Variants in ARNT2 observed in about 807,000 individuals in gnomAD.
The protein encoded by ARNT2 is aryl hydrocarbon receptor nuclear translocator 2, also known as ARNT protein 2.
Under a neutral mutation model 91.7 loss-of-function variants are expected in ARNT2, and 36 were observed. The observed-to-expected ratio is 0.39, with a 90% confidence interval of 0.30 to 0.52. The LOEUF (loss-of-function observed/expected upper bound fraction) is 0.52. ARNT2 is among the 20% of genes least tolerant of loss of function. ARNT2 has a pLI of 0.72. For missense variants in ARNT2, 775 were observed against 939.3 expected (o/e 0.83, Z 2.29); for synonymous variants, 365 against 347.1 (o/e 1.05, Z -0.57).
intron 5 of ARNT2, among the ~76,000 whole-genome samples, chr15:80,476,901 G>T (rs1222225798): frequency 6.6e-6 from 1 of 152,146 alleles, no homozygotes; most frequent in Non-Finnish European, 1.5e-5. Context: ...TCCCAATGTT[G>T]GGGGCAGGCC....
At chr15:80,522,647 A>G (rs981392564) in intron 8 of ARNT2, among the ~76,000 whole-genome samples, 1 of 152,070 alleles carries the variant, frequency 6.6e-6, no homozygotes, top group Admixed American at 6.5e-5. Flanking sequence ...ATATCTAAAC[A>G]TAGAAAAGGT....
chr15:80,515,735 C>CA (rs61034995), intron 8 of ARNT2, among the ~76,000 whole-genome samples: 46,954 of 136,032 alleles, frequency 0.35, 7,618 homozygotes, highest in African/African-American at 0.38. Flanking sequence ...GTTCCTAAAC[C>CA]AAAAAAAAAA....
intron 6 of ARNT2, among the ~76,000 whole-genome samples, chr15:80,510,649 T>C (rs1351675825): frequency 6.6e-6 from 1 of 151,922 alleles, no homozygotes; most frequent in African/African-American, 2.4e-5. Flanking sequence ...GCCAACATGG[T>C]GAAACCCCGT....
chr15:80,591,441 A>G lies in ARNT2; in HGVS notation c.1919-127A>G, dbSNP rs927834122. 2 of 1,227,568 alleles carry G rather than the reference A, an allele frequency of 1.6e-6. No homozygotes were observed. Among genetic ancestry groups the G allele is most frequent in the Admixed American group, 1.9e-5 (1 of 52,272 alleles). The allele number at this position is 1,227,568 out of a possible 1,614,324, so 76.0% of individuals were successfully genotyped here. On this transcript the variant is annotated intron_variant, in intron 17 of 18. Transcript: ENST00000303329. This position sits in a 1 kb window ranked among gnomAD's most constrained non-coding sequence, Gnocchi z 5.1. ...TGAGAAAGACGAGGATAGCAAACACATTCCGCCAGCTCTGGATGGAACGTG... is the reference window on the plus strand; with the variant it reads ...TGAGAAAGACGAGGATAGCAAACACGTTCCGCCAGCTCTGGATGGAACGTG...
rs560443015 is a variant in ARNT2 at position 80,568,761 on chromosome 15, A to G, written c.1317-5387A>G. On this transcript the variant is annotated intron_variant, in intron 12 of 18. Coordinates refer to ENST00000303329, the MANE Select transcript of ARNT2 (RefSeq NM_014862.4). ...ACAGAACCAGAGCCCCACAGGTTCT[A>G]CCTGCGATTCTCTCTAGCGCATCTC... Among the ~76,000 whole-genome samples, 3 of 152,348 alleles carry G rather than the reference A, an allele frequency of 2.0e-5. No individual in the cohort carries two copies. The East Asian group carries it at 5.8e-4, about 29-fold the overall frequency.
chr15:80,575,191 G>A (rs2141476741), intron 14 of ARNT2, 81 bp downstream of exon 14: 3 of 1,550,790 alleles, frequency 1.9e-6, no homozygotes, highest in Non-Finnish European at 2.6e-6. Flanking sequence ...GCTACTCTTA[G>A]TAAGAGGGGG....
intron 1 of ARNT2, among the ~76,000 whole-genome samples, chr15:80,443,783 C>T (rs1263252281): frequency 6.6e-6 from 1 of 152,166 alleles, no homozygotes; most frequent in East Asian, 1.9e-4. Flanking sequence ...GCAGAAGAGC[C>T]ACTGTTTGCC....
intron 1 of ARNT2, among the ~76,000 whole-genome samples, chr15:80,449,223 A>G (rs979201244): frequency 6.6e-6 from 1 of 152,144 alleles, no homozygotes; most frequent in Non-Finnish European, 1.5e-5. Flanking sequence ...AACTTATTTG[A>G]CCATGGAACT....
chr15:80,440,972 GC>G (rs1228151245), intron 1 of ARNT2, among the ~76,000 whole-genome samples: 1 of 152,200 alleles, frequency 6.6e-6, no homozygotes, highest in Non-Finnish European at 1.5e-5. Context: ...GGAATCATGT[GC>G]CCTGTCTTCA....
intron 5 of ARNT2, among the ~76,000 whole-genome samples, chr15:80,503,163 C>A (rs1234321051): frequency 6.6e-6 from 1 of 152,186 alleles, no homozygotes; most frequent in Admixed American, 6.5e-5. Flanking sequence ...CTCTGTTTGC[C>A]TCTCTACTGG....
intron 8 of ARNT2, among the ~76,000 whole-genome samples, chr15:80,518,277 CTTTTTTTTTTT>C (rs56726705): frequency 2.2e-5 from 2 of 89,352 alleles, no homozygotes; most frequent in Non-Finnish European, 2.0e-5. Context: ...TTTTTCTATT[CTTTTTTTTTTT>C]TTTTTTTTTT....
chr15:80,577,641 G>T (rs1898701979), intron 15 of ARNT2, among the ~76,000 whole-genome samples: 1 of 152,258 alleles, frequency 6.6e-6, no homozygotes, highest in Non-Finnish European at 1.5e-5. Flanking sequence ...GCCCAGCAGG[G>T]CAGGGCTTCT....
chr15:80,430,159 C>G (rs567375645), intron 1 of ARNT2, among the ~76,000 whole-genome samples: 8 of 152,284 alleles, frequency 5.3e-5, no homozygotes, highest in Admixed American at 2.0e-4. Flanking sequence ...TTCCTAGGTC[C>G]TCTGACTTGA....
intron 6 of ARNT2, among the ~76,000 whole-genome samples, chr15:80,509,827 G>A (rs1039115538): frequency 3.9e-5 from 6 of 152,204 alleles, no homozygotes; most frequent in African/African-American, 1.4e-4. Flanking sequence ...GGAACAGTGA[G>A]AAGGTCCTTG....
intron 4 of ARNT2, among the ~76,000 whole-genome samples, chr15:80,471,715 A>T (rs1376100621): frequency 6.6e-6 from 1 of 152,068 alleles, no homozygotes; most frequent in African/African-American, 2.4e-5. Context: ...TGTTTTATTG[A>T]TGAGGAAGCT....
At chr15:80,444,418 G>C (rs763796984) in intron 1 of ARNT2, 1 of 152,268 alleles carries the variant, frequency 6.6e-6, no homozygotes, top group Non-Finnish European at 1.5e-5. Context: ...TGTATGAGTA[G>C]TGTGATGTGT....
chr15:80,493,137 G>A (rs553086316), intron 5 of ARNT2, among the ~76,000 whole-genome samples: 1 of 152,188 alleles, frequency 6.6e-6, no homozygotes, highest in African/African-American at 2.4e-5. Flanking sequence ...AAGAGAGAAC[G>A]AGACAGAGAG....
chr15:80,447,033 A>C (rs55813707), intron 1 of ARNT2, among the ~76,000 whole-genome samples: 2,134 of 152,338 alleles, frequency 0.014, 47 homozygotes, highest in African/African-American at 0.048. Flanking sequence ...AAACAAGAAG[A>C]GCTTTTAGGA....
At chr15:80,470,952 T>C (rs1896723868) in intron 4 of ARNT2, among the ~76,000 whole-genome samples, 2 of 152,230 alleles carry the variant, frequency 1.3e-5, no homozygotes, top group Non-Finnish European at 2.9e-5. Context: ...AGCTCAACCA[T>C]TGTAGAAAGC....
Sources: gnomAD v4.1 joint callset for allele counts (sites outside exome capture counted in the v4.1 genomes callset) on GRCh38, gnomAD v4.1.1 for gene constraint, Gnocchi (gnomAD v3.1) non-coding constraint, MANE v1.5 for transcripts, NCBI Gene and HGNC (gene_info 2026-07-23, HGNC 2026-07-21) for gene names.